SLC43A2: variants seen among roughly 807,000 people sequenced by gnomAD.
SLC43A2 encodes the protein solute carrier family 43 member 2, also known as large neutral amino acids transporter small subunit 4.
SLC43A2 carries 38 observed loss-of-function variants against 63.2 expected under a neutral mutation model. The observed-to-expected ratio is 0.60, with a 90% CI of 0.46 to 0.79. The LOEUF (loss-of-function observed/expected upper bound fraction) is 0.79, where lower values mean the gene tolerates loss of function less well. SLC43A2 is among the 30% of genes least tolerant of loss of function. The pLI is 0.00. For missense variants in SLC43A2, 644 were observed against 756.2 expected (o/e 0.85, Z 1.74); for synonymous variants, 322 against 331.0 (o/e 0.97, Z 0.30).
intron 12 of SLC43A2, 140 bp from the exon 13 acceptor site, chr17:1,576,860 T>A: frequency 1.1e-6 from 1 of 950,050 alleles, no homozygotes; most frequent in Non-Finnish European, 1.5e-6. Flanking sequence ...GCTGGGCAGT[T>A]CTGTTTTTTT....
Position 1,578,406 on chromosome 17 carries a change from T to C in SLC43A2, c.1351-83A>G. ...CCCGCCCTCCAATTCCTGGGGGCCC[T>C]CACCCCAGGGGCAGTGTCAGCCTGG... On this transcript the variant is annotated intron_variant, in intron 11 of 13. Coordinates refer to ENST00000301335, the MANE Select transcript of SLC43A2 (RefSeq NM_152346.3). This position sits in a 1 kb window ranked among gnomAD's most constrained non-coding sequence, Gnocchi z 6.5. The C allele has an allele frequency of 7.6e-7, 1 of 1,315,776 alleles. No individual in the cohort carries two copies. Among genetic ancestry groups the C allele is most frequent in the Non-Finnish European group, 1.1e-6 (1 of 935,810 alleles). The allele number at this position is 1,315,776 out of a possible 1,614,324, so 81.5% of individuals were successfully genotyped here.
Position 1,575,405 on chromosome 17 carries a change from G to T in SLC43A2, c.*199C>A. 4.4e-6 allele frequency: 3 copies of T among 678,800 alleles called. No individual in the cohort carries two copies. Among genetic ancestry groups the T allele is most frequent in the Non-Finnish European group, 7.3e-6 (3 of 410,698 alleles). 42.0% of individuals were successfully genotyped at this position (678,800 alleles called of 1,614,324 possible). A position where few individuals can be genotyped will look rare whatever the true frequency, so the allele number is the denominator to read the frequency against. On this transcript the variant is annotated 3_prime_UTR_variant, in exon 14 of 14. Transcript: ENST00000301335. Reference sequence around the variant, plus strand: ...CAAAGTCAGGGCAGCCCCTGCGTTCGGCAGGAGAAAACGCGCGTGTCCGGG... The same window carrying T: ...CAAAGTCAGGGCAGCCCCTGCGTTCTGCAGGAGAAAACGCGCGTGTCCGGG...
chr17:1,598,756 A>G (rs1205093304), intron 5 of SLC43A2, among the ~76,000 whole-genome samples: 1 of 152,104 alleles, frequency 6.6e-6, no homozygotes, highest in East Asian at 1.9e-4. Flanking sequence ...TCTCCCCAGC[A>G]CTAGATCCAG....
rs745563961 is a variant in SLC43A2, at chr17:1,591,428, T to A, written c.772A>T (p.Thr258Ser). ...FSWLGFDHKI[T>S]GKQFYKQVTT... ...ACCTGCTTGTAGAACTGCTTCCCTGTGATCTTGTGGTCAAAGCCCAGCCAG... is the reference window on the plus strand; with the variant it reads ...ACCTGCTTGTAGAACTGCTTCCCTGAGATCTTGTGGTCAAAGCCCAGCCAG... The change falls in exon 8 of 14, where the codon ACA becomes TCA. Residue 258 changes from threonine (T) to serine (S), a missense_variant. Coordinates refer to ENST00000301335, the MANE Select transcript of SLC43A2 (RefSeq NM_152346.3). 1.9e-6 allele frequency: 3 copies of A among 1,613,154 alleles called. No homozygotes were observed. The highest frequency in any genetic ancestry group is 2.5e-6 in the Non-Finnish European group (3 of 1,179,944).
rs1906507992 is a variant in SLC43A2 at position 1,605,383 on chromosome 17, C to T, written c.501+7812G>A. ...ACAGGAGTGCCTGCAGGGCCAAGGCCCTGGGACAGTGCGGGCGCGGGAGCT... is the reference window on the plus strand; with the variant it reads ...ACAGGAGTGCCTGCAGGGCCAAGGCTCTGGGACAGTGCGGGCGCGGGAGCT... On this transcript the variant is annotated intron_variant, in intron 5 of 13. Transcript: ENST00000301335. The surrounding 1 kb of genome is among the most constrained non-coding windows in gnomAD (Gnocchi z 4.9). The T allele has an allele frequency of 3.5e-6, 1 of 285,664 alleles. No homozygotes were observed. The highest frequency in any genetic ancestry group is 1.1e-4 in the South Asian group (1 of 8,816). 17.7% of individuals were successfully genotyped at this position (285,664 alleles called of 1,614,324 possible). A position where few individuals can be genotyped will look rare whatever the true frequency, so the allele number is the denominator to read the frequency against.
chr17:1,609,276 G>A (rs1334641625), intron 5 of SLC43A2, among the ~76,000 whole-genome samples: 1 of 151,946 alleles, frequency 6.6e-6, no homozygotes, highest in South Asian at 2.1e-4. Flanking sequence ...ATCTCGACTC[G>A]CTGCAACCTC....
chr17:1,571,970 C>T lies in SLC43A2; in HGVS notation c.*3634G>A, dbSNP rs1379428012. 6.6e-6 allele frequency: 1 copy of T among 152,464 alleles called. No homozygotes were observed. The allele number at this position is 152,464 out of a possible 1,614,324, so 9.4% of individuals were successfully genotyped here. On this transcript the variant is annotated 3_prime_UTR_variant, in exon 14 of 14. Transcript: ENST00000301335. The surrounding 1 kb of genome is among the most constrained non-coding windows in gnomAD (Gnocchi z 5.2). ...ATCAAAACCCCAAGGGCAGGGAGCC[C>T]TTCCTGCTCCTTCCCGCCAGAGCCT...
chr17:1,624,790 G>A (rs1200606394), intron 2 of SLC43A2, among the ~76,000 whole-genome samples: 2 of 151,958 alleles, frequency 1.3e-5, no homozygotes, highest in Non-Finnish European at 1.5e-5. Flanking sequence ...ACTGCTACTC[G>A]GGAGGCTGAG....
intron 2 of SLC43A2, among the ~76,000 whole-genome samples, chr17:1,618,739 C>CTT (rs1002853169): frequency 1.3e-5 from 2 of 152,212 alleles, no homozygotes; most frequent in Admixed American, 6.5e-5. Context: ...AATCCCAGCA[C>CTT]TTTGGGAGGC....
intron 5 of SLC43A2, among the ~76,000 whole-genome samples, chr17:1,610,252 T>C (rs1906978227): frequency 6.6e-6 from 1 of 151,538 alleles, no homozygotes; most frequent in African/African-American, 2.4e-5. Flanking sequence ...TTCATATTTC[T>C]GAAATGTTAA....
rs2075872176 is a variant in SLC43A2, at chr17:1,573,180, A to AAAG, written c.*2423_*2424insCTT. On this transcript the variant is annotated 3_prime_UTR_variant, in exon 14 of 14. Transcript: ENST00000301335. ...TGGCAGAGCAAGACCCCAACTCAAA[A>AAAG]AAAAAAAAAAAAAAAAAAAGGCGGC... is the stretch of plus-strand genomic sequence containing the variant. 6.6e-6 allele frequency: 1 copy of AAAG among 150,600 alleles called. No individual in the cohort carries two copies. Among genetic ancestry groups the AAAG allele is most frequent in the African/African-American group, 2.4e-5 (1 of 40,924 alleles). 9.3% of individuals were successfully genotyped at this position (150,600 alleles called of 1,614,324 possible). A position where few individuals can be genotyped will look rare whatever the true frequency, so the allele number is the denominator to read the frequency against.
At chr17:1,628,503 G>A (rs1289290550) in intron 1 of SLC43A2, among the ~76,000 whole-genome samples, 1 of 151,820 alleles carries the variant, frequency 6.6e-6, no homozygotes, top group African/African-American at 2.4e-5. Context: ...GCTAGGCGCT[G>A]CGGCCACGCG....
intron 2 of SLC43A2, among the ~76,000 whole-genome samples, chr17:1,617,610 C>T (rs1339906765): frequency 2.0e-5 from 3 of 152,164 alleles, no homozygotes; most frequent in African/African-American, 2.4e-5. Flanking sequence ...AGGCTGGTCT[C>T]GAACTCCTGA....
intron 5 of SLC43A2, among the ~76,000 whole-genome samples, chr17:1,598,147 G>A (rs1410279077): frequency 4.2e-5 from 6 of 143,714 alleles, no homozygotes. Context: ...AAGGGGCCAG[G>A]CGCGGTGGCT....
intron 5 of SLC43A2, chr17:1,604,934 G>GGA: frequency 6.6e-7 from 1 of 1,520,104 alleles, no homozygotes; most frequent in Non-Finnish European, 8.8e-7. Flanking sequence ...TCGAAGCCGC[G>GGA]GTGCCGGAGT....
At chr17:1,582,699 A>C (rs537041658) in intron 11 of SLC43A2, among the ~76,000 whole-genome samples, 2 of 152,348 alleles carry the variant, frequency 1.3e-5, no homozygotes, top group African/African-American at 4.8e-5. Context: ...CACCTGCAGC[A>C]GCAAGCACAG....
chr17:1,617,242 A>G (rs909923688), intron 2 of SLC43A2, among the ~76,000 whole-genome samples: 4 of 152,172 alleles, frequency 2.6e-5, no homozygotes, highest in African/African-American at 9.7e-5. Flanking sequence ...GGCAGAACCC[A>G]GACCACTTGG....
intron 2 of SLC43A2, among the ~76,000 whole-genome samples, chr17:1,617,385 T>C (rs1907775792): frequency 6.6e-6 from 1 of 152,064 alleles, no homozygotes. Context: ...CTCCCCCTGA[T>C]ATTTTCTTTT....
Position 1,586,831 on chromosome 17 carries a change from C to T in SLC43A2, c.1079-780G>A, listed in dbSNP as rs77503316. ...GTTGATTGCCCCAGTTTTACCCCCACGGCTCTAGCCAGGAGGCATGTCTGG... is the reference window on the plus strand; with the variant it reads ...GTTGATTGCCCCAGTTTTACCCCCATGGCTCTAGCCAGGAGGCATGTCTGG... On this transcript the variant is annotated intron_variant, in intron 9 of 13. Coordinates refer to ENST00000301335, the MANE Select transcript of SLC43A2 (RefSeq NM_152346.3). 7.7e-3 allele frequency: 8,242 copies of T among 1,076,308 alleles called. 44 individuals are homozygous for T. Among genetic ancestry groups the T allele is most frequent in the Non-Finnish European group, 9.0e-3 (7,110 of 787,706 alleles). 66.7% of individuals were successfully genotyped at this position (1,076,308 alleles called of 1,614,324 possible). A position where few individuals can be genotyped will look rare whatever the true frequency, so the allele number is the denominator to read the frequency against.
Sources: gnomAD v4.1 joint callset for allele counts (sites outside exome capture counted in the v4.1 genomes callset) on GRCh38, gnomAD v4.1.1 for gene constraint, Gnocchi (gnomAD v3.1) non-coding constraint, MANE v1.5 for transcripts, NCBI Gene and HGNC (gene_info 2026-07-23, HGNC 2026-07-21) for gene names.